Variants in NAV2 observed in about 807,000 individuals in gnomAD.
NAV2 encodes the protein neuron navigator 2.
A neutral mutation model predicts 223.2 loss-of-function variants in NAV2; 54 were observed. The ratio of observed to expected loss-of-function variants is 0.24; its 90% CI spans 0.19 to 0.30. The LOEUF (loss-of-function observed/expected upper bound fraction) is 0.30, where lower values mean the gene tolerates loss of function less well. Among genes scored for constraint, NAV2 ranks in the 10% least tolerant of loss-of-function variants. The pLI is 1.00. For missense variants in NAV2, 2,806 were observed against 3,147.5 expected (o/e 0.89, Z 2.60); for synonymous variants, 1,279 against 1,239.3 (o/e 1.03, Z -0.67).
rs1019671500 is a variant in NAV2 at position 19,510,336 on chromosome 11, G to T, written c.75+159309G>T. On this transcript the variant is annotated intron_variant, in intron 1 of 37. Transcript: ENST00000360655. ...CATGAGGAAACTGGGGTCCAGAGAG[G>T]TTGTGGATGCTGTCCTGAAACCTAC... is the stretch of plus-strand genomic sequence containing the variant. Among the ~76,000 whole-genome samples the T allele has an allele frequency of 3.3e-5, 5 of 152,198 alleles. No homozygotes were observed. The East Asian group carries it at 5.8e-4, about 18-fold the overall frequency.
At chr11:19,382,705 T>C (rs1213054335) in intron 1 of NAV2, among the ~76,000 whole-genome samples, 1 of 152,216 alleles carries the variant, frequency 6.6e-6, no homozygotes. Flanking sequence ...TTCTAAGTGC[T>C]TCTATAGGTA....
chr11:19,883,254 G>A (rs1037661174), intron 5 of NAV2, among the ~76,000 whole-genome samples: 1 of 152,210 alleles, frequency 6.6e-6, no homozygotes. Context: ...AGCTATGGAA[G>A]TTGGCAAAGA....
chr11:19,917,006 A>G (rs1432034900), intron 6 of NAV2, among the ~76,000 whole-genome samples: 1 of 152,242 alleles, frequency 6.6e-6, no homozygotes, highest in Non-Finnish European at 1.5e-5. Flanking sequence ...GTAAAGGAGA[A>G]CAACTAAGGC....
rs1168412925 is a variant in NAV2 at position 19,584,192 on chromosome 11, G to GT, written c.75+233171dup. Among the ~76,000 whole-genome samples the GT allele has an allele frequency of 1.2e-4, 18 of 152,162 alleles. No homozygotes were observed. The South Asian group carries it at 3.7e-3, about 32-fold the overall frequency. ...GAGGTGTTCATAATATTCTCTGATG[G>GT]TTTTTTGTATTTCTGTGGGATCGGT... On this transcript the variant is annotated intron_variant, in intron 1 of 37. Transcript: ENST00000360655.
At chr11:19,364,798 AG>A (rs1854167013) in intron 1 of NAV2, among the ~76,000 whole-genome samples, 1 of 152,250 alleles carries the variant, frequency 6.6e-6, no homozygotes. Context: ...TGTATAAAAT[AG>A]GGATTTGCTT....
intron 1 of NAV2, among the ~76,000 whole-genome samples, chr11:19,634,483 C>T (rs1039077270): frequency 6.6e-6 from 1 of 152,124 alleles, no homozygotes; most frequent in Non-Finnish European, 1.5e-5. Context: ...TACCTCCAAA[C>T]CTAAAAGTTT....
chr11:20,029,026 A>G (rs1261078898), intron 11 of NAV2, among the ~76,000 whole-genome samples: 1 of 152,200 alleles, frequency 6.6e-6, no homozygotes, highest in Non-Finnish European at 1.5e-5. Context: ...ATAATCTGAC[A>G]GGTGAAATCA....
intron 1 of NAV2, among the ~76,000 whole-genome samples, chr11:19,575,706 T>C (rs1267259890): frequency 2.0e-5 from 3 of 152,230 alleles, no homozygotes; most frequent in Non-Finnish European, 2.9e-5. Context: ...CTATATTGTG[T>C]TGGGGAGACT....
Position 20,101,088 on chromosome 11 carries a change from G to A in NAV2, c.6333G>A (p.Leu2111=), listed in dbSNP as rs370633060. ...GGAAAACCTACCTGGCCAACCGGCTGTCTGAGTATATAGTGCTTCGAGAGG... is the reference window on the plus strand; with the variant it reads ...GGAAAACCTACCTGGCCAACCGGCTATCTGAGTATATAGTGCTTCGAGAGG... ...GTGKTYLANR[L]SEYIVLREGR... Residue 2111 remains leucine (L), a synonymous_variant, in exon 32 of 38, where the codon CTG becomes CTA. Transcript: ENST00000349880. 20 of 1,614,162 alleles carry A rather than the reference G, an allele frequency of 1.2e-5. No individual in the cohort carries two copies. In the African/African-American group the frequency reaches 1.9e-4, roughly 15 times the overall value.
At chr11:19,984,332 G>C in intron 11 of NAV2, 85 bp downstream of exon 11, 1 of 1,591,940 alleles carries the variant, frequency 6.3e-7, no homozygotes, top group Non-Finnish European at 8.6e-7. Flanking sequence ...TATTGGGAGA[G>C]TGAATGGAGA....
intron 1 of NAV2, among the ~76,000 whole-genome samples, chr11:19,368,050 G>A (rs1848348486): frequency 6.6e-6 from 1 of 152,166 alleles, no homozygotes. Context: ...CCAGATTTGG[G>A]GATCAGAAGG....
chr11:19,630,350 G>C (rs2047307800), intron 1 of NAV2, among the ~76,000 whole-genome samples: 1 of 152,168 alleles, frequency 6.6e-6, no homozygotes, highest in East Asian at 1.9e-4. Context: ...CTGACACTGA[G>C]AAGGTCATTT....
intron 1 of NAV2, among the ~76,000 whole-genome samples, chr11:19,739,157 G>C (rs951680662): frequency 1.3e-5 from 2 of 152,144 alleles, no homozygotes; most frequent in Non-Finnish European, 2.9e-5. Flanking sequence ...GCTTCAGTCT[G>C]GGTGACAGAG....
At chr11:20,085,850 C>T (rs1483925068) in intron 26 of NAV2, among the ~76,000 whole-genome samples, 3 of 152,138 alleles carry the variant, frequency 2.0e-5, no homozygotes, top group East Asian at 1.9e-4. Context: ...AGGCTTATGT[C>T]GCCTCTTCCC....
At chr11:20,104,734 T>A (rs2061899040) in intron 34 of NAV2, 1 of 152,198 alleles carries the variant, frequency 6.6e-6, no homozygotes, top group African/African-American at 2.4e-5. Context: ...GAGTGAGCAT[T>A]CTAGAGTACA....
At chr11:20,027,291 C>G (rs748410380) in intron 11 of NAV2, 1 of 982,240 alleles carries the variant, frequency 1.0e-6, no homozygotes, top group Non-Finnish European at 1.2e-6. Context: ...CAAAGGATCT[C>G]GTTCCGCTCG....
intron 1 of NAV2, among the ~76,000 whole-genome samples, chr11:19,466,408 C>A (rs1440670173): frequency 6.6e-6 from 1 of 152,190 alleles, no homozygotes; most frequent in East Asian, 1.9e-4. Context: ...GTGAAGCCTG[C>A]AGTTTCTCTT....
chr11:20,067,257 T>C (rs2059108130), intron 20 of NAV2, among the ~76,000 whole-genome samples: 1 of 152,030 alleles, frequency 6.6e-6, no homozygotes, highest in Non-Finnish European at 1.5e-5. Flanking sequence ...CAAACCCCCC[T>C]CACTTTGAGA....
chr11:19,658,014 T>C (rs1432548984), intron 1 of NAV2, among the ~76,000 whole-genome samples: 1 of 152,220 alleles, frequency 6.6e-6, no homozygotes, highest in African/African-American at 2.4e-5. Flanking sequence ...TTTATCAAGC[T>C]CATACTATGT....
Sources: gnomAD v4.1 joint callset for allele counts (sites outside exome capture counted in the v4.1 genomes callset) on GRCh38, gnomAD v4.1.1 for gene constraint, MANE v1.5 for transcripts, NCBI Gene and HGNC (gene_info 2026-07-23, HGNC 2026-07-21) for gene names.